SDK2: variants seen among roughly 807,000 people sequenced by gnomAD.
The protein encoded by SDK2 is protein sidekick-2.
A neutral mutation model predicts 253.9 loss-of-function variants in SDK2; 105 were observed. The observed-to-expected ratio is 0.41, with a 90% CI of 0.35 to 0.49. The LOEUF (loss-of-function observed/expected upper bound fraction) is 0.49, where lower values mean the gene tolerates loss of function less well. SDK2 is among the 20% of genes least tolerant of loss of function. The pLI, the probability that SDK2 is intolerant of heterozygous loss-of-function variation, is 0.06. For synonymous variants in SDK2, 1,249 were observed against 1,234.9 expected (o/e 1.01, Z -0.24); for missense variants, 2,608 against 3,003.0 (o/e 0.87, Z 3.07).
rs944440508 is a variant in SDK2 at position 73,352,136 on chromosome 17, G to A, written c.5758+337C>T. On this transcript the variant is annotated intron_variant, in intron 41 of 44. Coordinates refer to ENST00000392650, the MANE Select transcript of SDK2 (RefSeq NM_001144952.2). The surrounding 1 kb of genome is among the most constrained non-coding windows in gnomAD (Gnocchi z 4.1). ...CACGTTGGGGCTGGAGGTTTCCATGGAAAGATAGTTTATGGCCTGGTGCCC... is the reference window on the plus strand; with the variant it reads ...CACGTTGGGGCTGGAGGTTTCCATGAAAAGATAGTTTATGGCCTGGTGCCC... 6.6e-6 allele frequency among the ~76,000 whole-genome samples: 1 copy of A among 152,242 alleles called. No homozygotes were observed. The highest frequency in any genetic ancestry group is 2.4e-5 in the African/African-American group (1 of 41,554).
chr17:73,416,053 G>T, intron 16 of SDK2, 61 bp from the exon 17 acceptor site: 1 of 1,492,054 alleles, frequency 6.7e-7, no homozygotes. Context: ...TCGTACCCAG[G>T]AAATTGTCCA....
rs914434095 is a variant in SDK2, at chr17:73,644,146, A to T, written c.-58T>A. 3 of 1,417,570 alleles carry T rather than the reference A, an allele frequency of 2.1e-6. No homozygotes were observed. The highest frequency in any genetic ancestry group is 2.9e-6 in the Non-Finnish European group (3 of 1,025,926). The allele number at this position is 1,417,570 out of a possible 1,614,324, so 87.8% of individuals were successfully genotyped here. A position where few individuals can be genotyped will look rare whatever the true frequency, so the allele number is the denominator to read the frequency against. ...TCCCTTCCCTCCGCCCTGTTTTATA[A>T]TCCTGGTGGGGTCCGATACCCCGTG... On this transcript the variant is annotated 5_prime_UTR_variant, in exon 1 of 45. Transcript: ENST00000392650. The surrounding 1 kb of genome is among the most constrained non-coding windows in gnomAD (Gnocchi z 6.3).
intron 1 of SDK2, among the ~76,000 whole-genome samples, chr17:73,601,639 C>T (rs1291027552): frequency 2.0e-5 from 3 of 152,126 alleles, no homozygotes; most frequent in Non-Finnish European, 4.4e-5. Context: ...ACCAGTAGCG[C>T]CCAGAGCTAG....
chr17:73,366,255 ATGT>A (rs1186552072), intron 37 of SDK2, among the ~76,000 whole-genome samples: 2 of 152,118 alleles, frequency 1.3e-5, no homozygotes, highest in African/African-American at 4.8e-5. Context: ...GGGACAGAAC[ATGT>A]TGTCCTGCTG....
At position 73,596,853 on chromosome 17, in the gene SDK2, A is replaced by T. The variant is rs73353321; in HGVS notation, c.64+47172T>A. 1.7e-3 allele frequency among the ~76,000 whole-genome samples: 265 copies of T among 152,304 alleles called. 2 individuals carry two copies. The highest frequency in any genetic ancestry group is 6.2e-3 in the African/African-American group (256 of 41,552). On this transcript the variant is annotated intron_variant, in intron 1 of 44. Coordinates refer to ENST00000392650, the MANE Select transcript of SDK2 (RefSeq NM_001144952.2). ...GGCGGTGTCTGAGCAAAAGAGGGAG[A>T]TGAAGCTGGCTTGGAATGGGAGGTG...
intron 15 of SDK2, among the ~76,000 whole-genome samples, chr17:73,420,108 C>A (rs918729941): frequency 1.3e-5 from 2 of 152,174 alleles, no homozygotes; most frequent in African/African-American, 4.8e-5. Flanking sequence ...GCGGGCATGG[C>A]GTGTGAGGGA....
chr17:73,361,932 G>T lies in SDK2; in HGVS notation c.5306-87C>A. The T allele has an allele frequency of 7.3e-7, 1 of 1,371,624 alleles. No homozygotes were observed. The highest frequency in any genetic ancestry group is 9.8e-7 in the Non-Finnish European group (1 of 1,018,510). The allele number at this position is 1,371,624 out of a possible 1,614,324, so 85.0% of individuals were successfully genotyped here. A position where few individuals can be genotyped will look rare whatever the true frequency, so the allele number is the denominator to read the frequency against. ...GGGGAAGGGGAAGCGGCCGTGGCCT[G>T]GGCCCCGGGACCCTGGGTAGGGGCC... On this transcript the variant is annotated intron_variant, in intron 38 of 44. Transcript: ENST00000392650. This position sits in a 1 kb window ranked among gnomAD's most constrained non-coding sequence, Gnocchi z 4.1.
At chr17:73,624,713 G>A (rs766577717) in intron 1 of SDK2, among the ~76,000 whole-genome samples, 4 of 152,140 alleles carry the variant, frequency 2.6e-5, no homozygotes, top group East Asian at 1.9e-4. Flanking sequence ...TGAGGCTGCC[G>A]GCATAAGCAC....
intron 3 of SDK2, among the ~76,000 whole-genome samples, chr17:73,468,823 C>A (rs2063622848): frequency 6.9e-6 from 1 of 145,732 alleles, no homozygotes; most frequent in Admixed American, 6.9e-5. Context: ...CCGCACCCAG[C>A]CTTATTTTTA....
intron 1 of SDK2, among the ~76,000 whole-genome samples, chr17:73,509,321 C>T (rs77389029): frequency 6.6e-6 from 1 of 152,192 alleles, no homozygotes; most frequent in Non-Finnish European, 1.5e-5. Context: ...AGTACATGTT[C>T]TGCCAATGTT....
chr17:73,406,474 T>G (rs912989774), intron 18 of SDK2, among the ~76,000 whole-genome samples: 1 of 151,944 alleles, frequency 6.6e-6, no homozygotes, highest in African/African-American at 2.4e-5. Flanking sequence ...GGTCTTGAAC[T>G]CCTGATCTCA....
chr17:73,529,831 G>T (rs748967770), intron 1 of SDK2, among the ~76,000 whole-genome samples: 2 of 152,148 alleles, frequency 1.3e-5, no homozygotes, highest in Non-Finnish European at 2.9e-5. Context: ...CTTTACTTTG[G>T]ATTTCTGTGC....
chr17:73,501,299 T>C (rs1286884022), intron 2 of SDK2, among the ~76,000 whole-genome samples: 1 of 148,650 alleles, frequency 6.7e-6, no homozygotes, highest in Non-Finnish European at 1.5e-5. Context: ...CATTAGACTC[T>C]GTATATCCAA....
Position 73,618,090 on chromosome 17 carries a change from G to C in SDK2, c.64+25935C>G, listed in dbSNP as rs1403646488. 6.6e-6 allele frequency among the ~76,000 whole-genome samples: 1 copy of C among 152,202 alleles called. No homozygotes were observed. Among genetic ancestry groups the C allele is most frequent in the Non-Finnish European group, 1.5e-5 (1 of 68,042 alleles). ...GGAGAGAAGCCTGTTAAAGGGGAGA[G>C]AGGTGCTTAATTTAATACCAGGCAA... On this transcript the variant is annotated intron_variant, in intron 1 of 44. Coordinates refer to ENST00000392650, the MANE Select transcript of SDK2 (RefSeq NM_001144952.2). The surrounding 1 kb of genome is among the most constrained non-coding windows in gnomAD (Gnocchi z 4.1).
chr17:73,584,005 G>T (rs1324387817), intron 1 of SDK2, among the ~76,000 whole-genome samples: 1 of 152,220 alleles, frequency 6.6e-6, no homozygotes, highest in East Asian at 1.9e-4. Flanking sequence ...CCTTAGCAGA[G>T]GAAACTTGGG....
intron 40 of SDK2, chr17:73,357,780 C>G: frequency 2.1e-6 from 1 of 487,204 alleles, no homozygotes; most frequent in Non-Finnish European, 3.7e-6. Context: ...CGGTGTGTGA[C>G]CCACGTGAGC....
At chr17:73,414,613 C>T (rs763248284) in intron 18 of SDK2, 31 bp downstream of exon 18, 34 of 1,552,076 alleles carry the variant, frequency 2.2e-5, no homozygotes, top group Non-Finnish European at 2.8e-5. Context: ...ATCTTAGGGC[C>T]TCCTCTTGGG....
chr17:73,622,099 C>T (rs1444285629), intron 1 of SDK2, among the ~76,000 whole-genome samples: 1 of 152,212 alleles, frequency 6.6e-6, no homozygotes, highest in East Asian at 1.9e-4. Context: ...TCCATGTGTC[C>T]ACTAGAGTCA....
chr17:73,437,406 G>A lies in SDK2; in HGVS notation c.1000+333C>T, dbSNP rs114442417. On this transcript the variant is annotated intron_variant, in intron 8 of 44. Transcript: ENST00000392650. ...GACACATCTCAGGTGAGATGCACCC[G>A]GGGGCTGCTGGTTCTGGCATTACGG... Among the ~76,000 whole-genome samples, 598 of 152,244 alleles carry A rather than the reference G, an allele frequency of 3.9e-3. 3 individuals carry two copies. Among genetic ancestry groups the A allele is most frequent in the African/African-American group, 0.014 (567 of 41,536 alleles).
Sources: gnomAD v4.1 joint callset for allele counts (sites outside exome capture counted in the v4.1 genomes callset) on GRCh38, gnomAD v4.1.1 for gene constraint, Gnocchi (gnomAD v3.1) non-coding constraint, MANE v1.5 for transcripts, NCBI Gene and HGNC (gene_info 2026-07-23, HGNC 2026-07-21) for gene names.